Variants in POU2AF2 observed in about 807,000 individuals in gnomAD.
The protein encoded by POU2AF2 is POU class 2 homeobox associating factor 2, also known as POU domain class 2-associating factor 2.
the POU2AF2 span, among the ~76,000 whole-genome samples, chr11:111,267,899 C>T: frequency 6.6e-6 from 1 of 152,106 alleles, no homozygotes; most frequent in Non-Finnish European, 1.5e-5. Flanking sequence ...ACTACCAATG[C>T]CCTCATTTCC....
chr11:111,264,607 CGAAA>C, the POU2AF2 span, among the ~76,000 whole-genome samples: 10 of 61,372 alleles, frequency 1.6e-4, 1 homozygote, highest in East Asian at 7.5e-4. Flanking sequence ...AAGAAAGAGA[CGAAA>C]GAAAGAAAGA....
the POU2AF2 span, among the ~76,000 whole-genome samples, chr11:111,250,212 G>A: frequency 6.6e-6 from 1 of 151,972 alleles, no homozygotes; most frequent in South Asian, 2.1e-4. Flanking sequence ...TCCCTTGAAA[G>A]GTCTCTTAAA....
the POU2AF2 span, chr11:111,285,604 CAG>C: frequency 1.3e-6 from 2 of 1,569,694 alleles, no homozygotes; most frequent in Non-Finnish European, 1.7e-6. Flanking sequence ...AATGTATCAT[CAG>C]AGTGTCACCT....
At chr11:111,264,021 C>T in the POU2AF2 span, among the ~76,000 whole-genome samples, 26 of 152,240 alleles carry the variant, frequency 1.7e-4, no homozygotes, top group East Asian at 5.0e-3. Flanking sequence ...GAATTCAAAA[C>T]AATATAAGAA....
At chr11:111,257,849 A>G in the POU2AF2 span, among the ~76,000 whole-genome samples, 1 of 152,200 alleles carries the variant, frequency 6.6e-6, no homozygotes. Flanking sequence ...AGGGCACAGT[A>G]TCTCATGACT....
At chr11:111,276,439 G>GAAAAAAGAA in the POU2AF2 span, among the ~76,000 whole-genome samples, 26 of 44,444 alleles carry the variant, frequency 5.9e-4, no homozygotes, top group Admixed American at 1.4e-3. Context: ...CTACTAAAAA[G>GAAAAAAGAA]AAAAAAAAAA....
At chr11:111,269,542 A>C in the POU2AF2 span, among the ~76,000 whole-genome samples, 1 of 152,308 alleles carries the variant, frequency 6.6e-6, no homozygotes, top group South Asian at 2.1e-4. Context: ...CATAAAATTT[A>C]AAATAATTCC....
chr11:111,259,355 G>A, the POU2AF2 span, among the ~76,000 whole-genome samples: 33 of 143,820 alleles, frequency 2.3e-4, no homozygotes, highest in African/African-American at 3.6e-4. Flanking sequence ...TGGTTCTGTC[G>A]GCCAGGCTGG....
At chr11:111,268,492 A>ATTTTATTTTATTTTATTTTATTTTAT in the POU2AF2 span, among the ~76,000 whole-genome samples, 1 of 30,746 alleles carries the variant, frequency 3.3e-5, no homozygotes, top group Non-Finnish European at 9.6e-5. Context: ...ATTTTATTTT[A>ATTTTATTTTATTTTATTTTATTTTAT]TTTTATTTTA....
chr11:111,283,134 G>A, the POU2AF2 span, among the ~76,000 whole-genome samples: 1 of 150,632 alleles, frequency 6.6e-6, no homozygotes, highest in Admixed American at 6.6e-5. Flanking sequence ...CACCTCCCGG[G>A]TTCAAGTAAT....
chr11:111,258,268 C>T, the POU2AF2 span, among the ~76,000 whole-genome samples: 1 of 152,164 alleles, frequency 6.6e-6, no homozygotes, highest in South Asian at 2.1e-4. Context: ...CTGCAACTAA[C>T]ATGAGACAGC....
the POU2AF2 span, among the ~76,000 whole-genome samples, chr11:111,255,720 G>C: frequency 1.3e-5 from 2 of 152,198 alleles, no homozygotes; most frequent in African/African-American, 4.8e-5. Flanking sequence ...ACAAGTCAGA[G>C]TACAAGGAAG....
At chr11:111,250,699 T>C in the POU2AF2 span, among the ~76,000 whole-genome samples, 3 of 152,172 alleles carry the variant, frequency 2.0e-5, no homozygotes, top group Non-Finnish European at 4.4e-5. Context: ...AGTAAGGGGA[T>C]CAGGAGTATT....
At chr11:111,260,040 G>C in the POU2AF2 span, among the ~76,000 whole-genome samples, 1 of 152,262 alleles carries the variant, frequency 6.6e-6, no homozygotes, top group East Asian at 1.9e-4. Flanking sequence ...ATATGCATTA[G>C]TCATTGACTC....
chr11:111,286,111 T>C, the POU2AF2 span: 1,128,738 of 1,576,064 alleles, frequency 0.72, 405,768 homozygotes, highest in South Asian at 0.83. Flanking sequence ...TTCCAAAGAT[T>C]GTTTTAGGTG....
chr11:111,265,955 G>A, the POU2AF2 span, among the ~76,000 whole-genome samples: 2 of 151,836 alleles, frequency 1.3e-5, no homozygotes, highest in Non-Finnish European at 2.9e-5. Flanking sequence ...CAGTCGAGAT[G>A]GCTAGAGTTG....
chr11:111,247,904 A>T, the POU2AF2 span, among the ~76,000 whole-genome samples: 10 of 102,402 alleles, frequency 9.8e-5, no homozygotes, highest in Non-Finnish European at 1.5e-4. Context: ...TTTTAGACGG[A>T]GTCTCGCTTT....
chr11:111,267,775 T>C, the POU2AF2 span, among the ~76,000 whole-genome samples: 13 of 152,170 alleles, frequency 8.5e-5, no homozygotes, highest in African/African-American at 3.1e-4. Flanking sequence ...TTGTACACAC[T>C]GTGGAGCCTT....
chr11:111,264,529 A>G, the POU2AF2 span, among the ~76,000 whole-genome samples: 9 of 70,394 alleles, frequency 1.3e-4, no homozygotes, highest in Admixed American at 1.8e-4. Context: ...AGAAAGAAAG[A>G]AAGAAAGAAA....
Sources: allele counts gnomAD v4.1 joint callset (sites outside exome capture counted in the v4.1 genomes callset), GRCh38; gene constraint gnomAD v4.1.1; transcripts MANE v1.5; gene names NCBI Gene and HGNC (gene_info 2026-07-23, HGNC 2026-07-21).